Variants in FLRT1 observed in about 807,000 individuals in gnomAD.
The protein encoded by FLRT1 is leucine-rich repeat transmembrane protein FLRT1.
A neutral mutation model predicts 30.9 loss-of-function variants in FLRT1; 14 were observed. The ratio of observed to expected loss-of-function variants is 0.45; its 90% CI spans 0.30 to 0.71. FLRT1 has a LOEUF of 0.71. Among genes scored for constraint, FLRT1 ranks in the 30% least tolerant of loss-of-function variants. The pLI, the probability that FLRT1 is intolerant of heterozygous loss-of-function variation, is 0.08. For missense variants in FLRT1, 737 were observed against 949.2 expected, an observed-to-expected ratio of 0.78 and a Z score of 2.94; for synonymous variants, 368 against 430.4, an observed-to-expected ratio of 0.85 and a Z score of 1.80.
chr11:64,048,309 G>A (rs1943624548), intron 1 of FLRT1, among the ~76,000 whole-genome samples: 1 of 152,238 alleles, frequency 6.6e-6, no homozygotes, highest in South Asian at 2.1e-4. Flanking sequence ...GGTGCAGACA[G>A]AGCCCAGCCT....
intron 1 of FLRT1, among the ~76,000 whole-genome samples, chr11:64,078,048 G>T (rs1002508057): frequency 3.3e-5 from 5 of 152,308 alleles, no homozygotes; most frequent in Admixed American, 6.5e-5. Context: ...GCACAGGGAG[G>T]TACAGCAGCT....
chr11:64,052,973 C>A (rs1943721417), intron 1 of FLRT1, among the ~76,000 whole-genome samples: 2 of 152,370 alleles, frequency 1.3e-5, no homozygotes, highest in African/African-American at 4.8e-5. Context: ...CCCCTGGCTG[C>A]AACCTGCCTG....
At chr11:64,113,063 C>A (rs1944891008) in intron 2 of FLRT1, among the ~76,000 whole-genome samples, 1 of 152,232 alleles carries the variant, frequency 6.6e-6, no homozygotes, top group Admixed American at 6.5e-5. Flanking sequence ...CTGCAAGCCT[C>A]AAGATTGCCA....
intron 1 of FLRT1, among the ~76,000 whole-genome samples, chr11:64,055,238 C>G (rs1043613217): frequency 6.6e-6 from 1 of 152,224 alleles, no homozygotes; most frequent in Admixed American, 6.5e-5. Context: ...GAGGGGCAGC[C>G]AGTAGCTTTG....
At chr11:64,059,705 G>A (rs901181905) in intron 1 of FLRT1, among the ~76,000 whole-genome samples, 1 of 152,242 alleles carries the variant, frequency 6.6e-6, no homozygotes, top group African/African-American at 2.4e-5. Flanking sequence ...ACAGAGAGGG[G>A]CAGGTCACTC....
chr11:64,055,115 G>A (rs1338150609), intron 1 of FLRT1, among the ~76,000 whole-genome samples: 1 of 152,142 alleles, frequency 6.6e-6, no homozygotes, highest in Non-Finnish European at 1.5e-5. Context: ...GCCAACCTGT[G>A]TGTCCTGAGA....
rs573826336 is a variant in FLRT1 at position 64,078,403 on chromosome 11, C to A, written c.-1037-24791C>A. Among the ~76,000 whole-genome samples, 3 of 152,352 alleles carry A rather than the reference C, an allele frequency of 2.0e-5. No homozygotes were observed. The South Asian group carries it at 6.2e-4, about 32-fold the overall frequency. ...AGGGGGCTGAACGGCTGCAGAATTA[C>A]AATATTAAATGCAGCTGCACCGAAA... On this transcript the variant is annotated intron_variant, in intron 1 of 2. Transcript: ENST00000682287.
At chr11:64,114,797 G>C (rs1192857283) in intron 2 of FLRT1, among the ~76,000 whole-genome samples, 1 of 152,196 alleles carries the variant, frequency 6.6e-6, no homozygotes, top group Non-Finnish European at 1.5e-5. Context: ...ATGGATGGTA[G>C]GTGGGTGGAC....
chr11:64,042,046 G>A (rs890379149), intron 1 of FLRT1, among the ~76,000 whole-genome samples: 14 of 152,168 alleles, frequency 9.2e-5, no homozygotes, highest in African/African-American at 3.4e-4. Flanking sequence ...TCGGGCAGCG[G>A]CCATGGTGGG....
At chr11:64,063,585 C>T (rs1226470581) in intron 1 of FLRT1, among the ~76,000 whole-genome samples, 2 of 152,170 alleles carry the variant, frequency 1.3e-5, no homozygotes, top group Non-Finnish European at 1.5e-5. Flanking sequence ...TCTTCCCCGG[C>T]GTCTCTTCCT....
chr11:64,095,454 A>G (rs539333841), intron 1 of FLRT1, among the ~76,000 whole-genome samples: 11 of 152,216 alleles, frequency 7.2e-5, no homozygotes, highest in Non-Finnish European at 1.5e-4. Flanking sequence ...TTTCCAACAC[A>G]GGCAAAAAAT....
intron 1 of FLRT1, among the ~76,000 whole-genome samples, chr11:64,100,465 G>A (rs1257506341): frequency 6.6e-6 from 1 of 152,206 alleles, no homozygotes; most frequent in Non-Finnish European, 1.5e-5. Flanking sequence ...TGGAGCCTGT[G>A]GGAACGGGGG....
chr11:64,088,605 G>A (rs369262007), intron 1 of FLRT1, among the ~76,000 whole-genome samples: 6 of 94,320 alleles, frequency 6.4e-5, no homozygotes, highest in Non-Finnish European at 1.1e-4. Context: ...CCTCCTCCCC[G>A]GGTTTTGTTT....
At chr11:64,108,477 G>A (rs1375326672) in intron 2 of FLRT1, among the ~76,000 whole-genome samples, 2 of 152,184 alleles carry the variant, frequency 1.3e-5, no homozygotes, top group Non-Finnish European at 2.9e-5. Context: ...AGGAAGCAGC[G>A]GCCTGCCCTG....
At chr11:64,095,793 C>T (rs1944565457) in intron 1 of FLRT1, among the ~76,000 whole-genome samples, 1 of 152,176 alleles carries the variant, frequency 6.6e-6, no homozygotes, top group Non-Finnish European at 1.5e-5. Flanking sequence ...GAGCAGGGGG[C>T]TCCTGAAATA....
chr11:64,117,566 T>G lies in FLRT1; in HGVS notation c.1299T>G (p.Gly433=), dbSNP rs1590934007. 1 of 1,607,336 alleles carries G rather than the reference T, an allele frequency of 6.2e-7. No homozygotes were observed. Among genetic ancestry groups the G allele is most frequent in the Admixed American group, 1.7e-5 (1 of 59,654 alleles). Residue 433 remains glycine (G), a synonymous_variant, in exon 3 of 3, where the codon GGT becomes GGG. Transcript: ENST00000682287. ...ACATTGACTACCCCATGGCCACGGG[T>G]GATGGCGCCAAGACCCTGGCCATCC... The part of the protein sequence containing the change: ...DSNIDYPMAT[G]DGAKTLAIHV...
At chr11:64,044,224 C>T (rs183854457) in intron 1 of FLRT1, among the ~76,000 whole-genome samples, 12 of 151,970 alleles carry the variant, frequency 7.9e-5, no homozygotes, top group Admixed American at 2.0e-4. Context: ...TTACTATGTA[C>T]CTGGTGGTTG....
At chr11:64,085,066 G>A (rs1590885753) in intron 1 of FLRT1, among the ~76,000 whole-genome samples, 3 of 152,366 alleles carry the variant, frequency 2.0e-5, no homozygotes, top group Admixed American at 6.5e-5. Context: ...GAGAGGTTCA[G>A]TCATTGCACA....
intron 1 of FLRT1, among the ~76,000 whole-genome samples, chr11:64,102,749 C>T (rs1944692464): frequency 6.6e-6 from 1 of 152,122 alleles, no homozygotes; most frequent in African/African-American, 2.4e-5. Flanking sequence ...CCTTCCCCGG[C>T]TCATAGGCAA....
Sources: allele counts gnomAD v4.1 joint callset (sites outside exome capture counted in the v4.1 genomes callset), GRCh38; gene constraint gnomAD v4.1.1; transcripts MANE v1.5; gene names NCBI Gene and HGNC (gene_info 2026-07-23, HGNC 2026-07-21).